Variants in EPHA3 observed in about 807,000 individuals in gnomAD.
EPHA3 encodes the protein EPH receptor A3, also known as ephrin type-A receptor 3.
In EPHA3, 42 loss-of-function variants were observed where a neutral mutation model predicts 107.1. That is an observed-to-expected ratio of 0.39 (90% CI 0.31 to 0.51). The LOEUF is 0.51. Ranked by LOEUF, EPHA3 falls within the 20% of genes least tolerant of loss-of-function variation. The probability of loss-of-function intolerance (pLI) is 0.78; values close to 1 mark genes in which losing one functional copy is unlikely to be tolerated. For synonymous variants in EPHA3, 461 were observed against 424.8 expected (o/e 1.09, Z -1.05); for missense variants, 1,183 against 1,211.2 (o/e 0.98, Z 0.35).
intron 2 of EPHA3, among the ~76,000 whole-genome samples, chr3:89,164,294 T>A (rs1035684609): frequency 5.9e-5 from 9 of 152,172 alleles, no homozygotes; most frequent in Non-Finnish European, 1.3e-4. Flanking sequence ...AAACTTATAA[T>A]GTTTTAAGAA....
At position 89,160,724 on chromosome 3, in the gene EPHA3, A is replaced by G. The variant is rs536709216; in HGVS notation, c.153+33451A>G. Among the ~76,000 whole-genome samples, 63 of 152,146 alleles carry G rather than the reference A, an allele frequency of 4.1e-4. 1 individual carries two copies. The highest frequency in any genetic ancestry group is 7.4e-4 in the Non-Finnish European group (50 of 68,000). ...TCTTCAATATTGTCACAAACTTGGT[A>G]TATCTCTTTGGCAACTGCTTTCCAG... On this transcript the variant is annotated intron_variant, in intron 2 of 16. Coordinates refer to ENST00000336596, the MANE Select transcript of EPHA3 (RefSeq NM_005233.6).
Position 89,364,616 on chromosome 3 carries a change from C to A in EPHA3, c.1306+22526C>A, listed in dbSNP as rs1317706909. On this transcript the variant is annotated intron_variant, in intron 5 of 16. Coordinates refer to ENST00000336596, the MANE Select transcript of EPHA3 (RefSeq NM_005233.6). The stretch of plus-strand genomic sequence containing the variant: ...AGTTGGATAAACCCTTGTTAAAAAA[C>A]CAGATATATTTATACTAATATTATC... 9.9e-5 allele frequency among the ~76,000 whole-genome samples: 15 copies of A among 151,174 alleles called. 1 individual carries two copies. The highest frequency in any genetic ancestry group is 9.3e-4 in the Admixed American group (14 of 15,100).
intron 5 of EPHA3, among the ~76,000 whole-genome samples, chr3:89,357,106 C>CAAAAAAAAAAAAAAA (rs56717904): frequency 2.5e-4 from 4 of 16,000 alleles, no homozygotes; most frequent in Admixed American, 1.4e-3. Flanking sequence ...GACCCTGTCT[C>CAAAAAAAAAAAAAAA]AAAAAAAAAA....
intron 2 of EPHA3, among the ~76,000 whole-genome samples, chr3:89,144,795 T>A (rs943449016): frequency 6.6e-6 from 1 of 151,698 alleles, no homozygotes; most frequent in Non-Finnish European, 1.5e-5. Context: ...TGTTTATATT[T>A]TCAATGCCCA....
intron 2 of EPHA3, among the ~76,000 whole-genome samples, chr3:89,151,995 T>A (rs1297357072): frequency 2.6e-5 from 4 of 152,044 alleles, no homozygotes; most frequent in Non-Finnish European, 4.4e-5. Flanking sequence ...TTACAGATTT[T>A]CCACATTTAA....
At chr3:89,269,311 C>T (rs1347346240) in intron 3 of EPHA3, among the ~76,000 whole-genome samples, 4 of 151,994 alleles carry the variant, frequency 2.6e-5, no homozygotes, top group African/African-American at 7.3e-5. Flanking sequence ...CATTAGTTTC[C>T]AAAATGTGAA....
At chr3:89,330,331 T>C (rs1707257993) in intron 3 of EPHA3, among the ~76,000 whole-genome samples, 1 of 152,090 alleles carries the variant, frequency 6.6e-6, no homozygotes, top group Non-Finnish European at 1.5e-5. Flanking sequence ...AAGCAAATAT[T>C]GAATACTTTT....
chr3:89,238,326 A>T (rs1374149977), intron 3 of EPHA3, among the ~76,000 whole-genome samples: 2 of 152,226 alleles, frequency 1.3e-5, no homozygotes, highest in East Asian at 3.9e-4. Flanking sequence ...AATATTATAT[A>T]ATCATCTCAT....
chr3:89,282,664 C>A (rs958102248), intron 3 of EPHA3, among the ~76,000 whole-genome samples: 20 of 152,056 alleles, frequency 1.3e-4, no homozygotes, highest in African/African-American at 4.8e-4. Flanking sequence ...AAAAGATTTA[C>A]AATCAATTAT....
intron 2 of EPHA3, among the ~76,000 whole-genome samples, chr3:89,184,690 A>G (rs1705521588): frequency 6.6e-6 from 1 of 152,044 alleles, no homozygotes; most frequent in African/African-American, 2.4e-5. Flanking sequence ...TGTGATTGTT[A>G]AAACAAAAGG....
At position 89,148,755 on chromosome 3, in the gene EPHA3, A is replaced by G. The variant is rs113779528; in HGVS notation, c.153+21482A>G. On this transcript the variant is annotated intron_variant, in intron 2 of 16. Coordinates refer to ENST00000336596, the MANE Select transcript of EPHA3 (RefSeq NM_005233.6). The stretch of plus-strand genomic sequence containing the variant: ...GAAAGTTCTGTTTATCATGTCACTT[A>G]TAGAAACAACTGGTGAATGCATCTG... Among the ~76,000 whole-genome samples, 147 of 152,108 alleles carry G rather than the reference A, an allele frequency of 9.7e-4. 1 individual carries two copies. In the Middle Eastern group the frequency reaches 0.01, roughly 11 times the overall value.
intron 2 of EPHA3, among the ~76,000 whole-genome samples, chr3:89,142,197 G>A (rs557340042): frequency 6.6e-6 from 1 of 151,416 alleles, no homozygotes; most frequent in African/African-American, 2.4e-5. Context: ...AATAGCCTTA[G>A]GAAATGTCTA....
chr3:89,171,368 G>C (rs1295202044), intron 2 of EPHA3, among the ~76,000 whole-genome samples: 1 of 152,020 alleles, frequency 6.6e-6, no homozygotes, highest in Non-Finnish European at 1.5e-5. Context: ...ATCACTAATC[G>C]GTTCTAAAGA....
chr3:89,250,115 C>T (rs1311032768), intron 3 of EPHA3, among the ~76,000 whole-genome samples: 1 of 152,188 alleles, frequency 6.6e-6, no homozygotes, highest in Admixed American at 6.5e-5. Flanking sequence ...TTCCACATTT[C>T]TAGTATACAT....
chr3:89,427,445 G>A (rs528219512), intron 11 of EPHA3, among the ~76,000 whole-genome samples: 5 of 151,940 alleles, frequency 3.3e-5, no homozygotes, highest in African/African-American at 9.6e-5. Context: ...GAAAAGTTGT[G>A]TTATACAGTT....
At chr3:89,219,944 G>C (rs1260850919) in intron 3 of EPHA3, among the ~76,000 whole-genome samples, 2 of 150,746 alleles carry the variant, frequency 1.3e-5, no homozygotes, top group Admixed American at 6.6e-5. Flanking sequence ...TCCTGACCTC[G>C]TGATCCGCCC....
chr3:89,296,235 TC>T (rs1706350936), intron 3 of EPHA3, among the ~76,000 whole-genome samples: 1 of 152,234 alleles, frequency 6.6e-6, no homozygotes, highest in Non-Finnish European at 1.5e-5. Flanking sequence ...GTGAATTTTT[TC>T]CAGAAGGTTT....
intron 3 of EPHA3, among the ~76,000 whole-genome samples, chr3:89,339,268 G>T (rs1482392223): frequency 6.6e-6 from 1 of 151,836 alleles, no homozygotes; most frequent in African/African-American, 2.4e-5. Context: ...CTACCTGGGA[G>T]GCTGAGGCAG....
rs1386802071 is a variant in EPHA3 at position 89,341,918 on chromosome 3, A to C, written c.1134A>C (p.Pro378=). The change falls in exon 5 of 17, where the codon CCA becomes CCC. Residue 378 remains proline (P), a synonymous_variant. Transcript: ENST00000336596. ...TAAAACAGTGTGAGCCATGCAGCCCAAATGTCCGCTTCCTCCCTCGACAGT... is the reference window on the plus strand; with the variant it reads ...TAAAACAGTGTGAGCCATGCAGCCCCAATGTCCGCTTCCTCCCTCGACAGT... The part of the protein sequence containing the change: ...WNIKQCEPCS[P]NVRFLPRQFG... The C allele has an allele frequency of 3.7e-6, 6 of 1,613,680 alleles. No individual in the cohort carries two copies. Among genetic ancestry groups the C allele is most frequent in the Non-Finnish European group, 5.1e-6 (6 of 1,179,980 alleles).
Sources: gnomAD v4.1 joint callset for allele counts (sites outside exome capture counted in the v4.1 genomes callset) on GRCh38, gnomAD v4.1.1 for gene constraint, MANE v1.5 for transcripts, NCBI Gene and HGNC (gene_info 2026-07-23, HGNC 2026-07-21) for gene names.